UNC13C: variants seen among roughly 807,000 people sequenced by gnomAD.
UNC13C encodes the protein protein unc-13 homolog C.
UNC13C carries 174 observed loss-of-function variants against 245.4 expected under a neutral mutation model. The observed-to-expected ratio is 0.71, with a 90% confidence interval of 0.63 to 0.80. The LOEUF (loss-of-function observed/expected upper bound fraction) is 0.80. UNC13C is among the 30% of genes least tolerant of loss of function. The pLI is 0.00. For synonymous variants in UNC13C, 992 were observed against 895.1 expected, an observed-to-expected ratio of 1.11 and a Z score of -1.93; for missense variants, 2,829 against 2,602.9, an observed-to-expected ratio of 1.09 and a Z score of -1.89.
At chr15:54,275,026 A>G (rs1286146576) in intron 10 of UNC13C, among the ~76,000 whole-genome samples, 1 of 152,116 alleles carries the variant, frequency 6.6e-6, no homozygotes, top group Non-Finnish European at 1.5e-5. Context: ...GGTAAAATAA[A>G]CAAATGGGGG....
chr15:54,494,492 A>T, intron 19 of UNC13C, 116 bp from the exon 20 acceptor site: 2 of 998,422 alleles, frequency 2.0e-6, no homozygotes, highest in Non-Finnish European at 2.7e-6. Flanking sequence ...TTATACCTTT[A>T]CATCTAATAT....
At position 54,393,070 on chromosome 15, in the gene UNC13C, G is replaced by A. The variant is rs771183953; in HGVS notation, c.4736G>A (p.Arg1579His). The A allele has an allele frequency of 2.7e-5, 44 of 1,605,952 alleles. 1 individual carries two copies. The highest frequency in any genetic ancestry group is 3.3e-4 in the Middle Eastern group (2 of 6,020). Residue 1579 changes from arginine to histidine, a missense_variant, in exon 18 of 33, where the codon CGT becomes CAT. Physicochemically the swap from Arg to His is conservative, Grantham distance 29 (BLOSUM62 0). Coordinates refer to ENST00000260323, the MANE Select transcript of UNC13C (RefSeq NM_001080534.3). ...CAGAGTAAGAAACAGGATATTCCTC[G>A]TGAAGATCAGGGACCAACCACCAAG... ...TDPSKKQDIP[R>H]EDQGPTTKNL...
At chr15:54,004,838 A>G (rs1490719174) in intron 1 of UNC13C, among the ~76,000 whole-genome samples, 1 of 152,140 alleles carries the variant, frequency 6.6e-6, no homozygotes, top group Admixed American at 6.5e-5. Flanking sequence ...TGTTTTGCCC[A>G]TTTTTAAATT....
the UNC13C span, among the ~76,000 whole-genome samples, chr15:53,902,270 T>C: frequency 6.6e-6 from 1 of 152,142 alleles, no homozygotes; most frequent in Non-Finnish European, 1.5e-5. Context: ...TCCCTAACCC[T>C]AATCCCACCT....
chr15:53,915,193 C>T, the UNC13C span, among the ~76,000 whole-genome samples: 3 of 152,142 alleles, frequency 2.0e-5, no homozygotes, highest in Admixed American at 1.3e-4. Flanking sequence ...TACCTGGTTT[C>T]AGTAGAAGGT....
chr15:54,537,921 C>T (rs1482662569), intron 26 of UNC13C, among the ~76,000 whole-genome samples: 5 of 151,422 alleles, frequency 3.3e-5, no homozygotes, highest in Non-Finnish European at 7.4e-5. Context: ...TGGACATAGG[C>T]CCTGGCAGTT....
intron 30 of UNC13C, among the ~76,000 whole-genome samples, chr15:54,615,738 T>C (rs1300304766): frequency 3.3e-5 from 5 of 151,984 alleles, no homozygotes; most frequent in Non-Finnish European, 7.4e-5. Flanking sequence ...TGTTTCCAGG[T>C]GGAAACAAGT....
chr15:54,470,154 G>C (rs1892384469), intron 19 of UNC13C, among the ~76,000 whole-genome samples: 1 of 151,502 alleles, frequency 6.6e-6, no homozygotes, highest in Non-Finnish European at 1.5e-5. Flanking sequence ...GCTGAATATA[G>C]TTTGCTAATA....
chr15:53,863,408 C>A, the UNC13C span, among the ~76,000 whole-genome samples: 1 of 152,174 alleles, frequency 6.6e-6, no homozygotes. Context: ...TTCTAAAGAT[C>A]AACTTTGTGA....
At chr15:54,124,911 C>A (rs886738267) in intron 2 of UNC13C, among the ~76,000 whole-genome samples, 8 of 152,050 alleles carry the variant, frequency 5.3e-5, no homozygotes, top group Non-Finnish European at 1.2e-4. Flanking sequence ...CATTGAATTG[C>A]TTTTGAATCT....
chr15:54,587,133 T>G (rs772859640), intron 30 of UNC13C, among the ~76,000 whole-genome samples: 3 of 152,336 alleles, frequency 2.0e-5, no homozygotes, highest in South Asian at 2.1e-4. Context: ...TCAACTTAGA[T>G]TTCAATTTCA....
At chr15:54,615,020 G>T (rs1049856774) in intron 30 of UNC13C, among the ~76,000 whole-genome samples, 1 of 151,788 alleles carries the variant, frequency 6.6e-6, no homozygotes, top group Non-Finnish European at 1.5e-5. Context: ...GGTTTTATAT[G>T]TTCACTCATC....
chr15:54,371,930 C>T (rs2039495496), intron 17 of UNC13C, among the ~76,000 whole-genome samples: 1 of 151,930 alleles, frequency 6.6e-6, no homozygotes, highest in Non-Finnish European at 1.5e-5. Context: ...TGATGGTAGC[C>T]AGAGGCTGAG....
intron 2 of UNC13C, among the ~76,000 whole-genome samples, chr15:54,019,112 C>T (rs1018031185): frequency 2.0e-5 from 3 of 152,154 alleles, no homozygotes; most frequent in African/African-American, 7.2e-5. Flanking sequence ...TATAACACCA[C>T]TATTAATTTT....
intron 20 of UNC13C, among the ~76,000 whole-genome samples, chr15:54,497,685 TACAGTA>T (rs1894019384): frequency 1.3e-5 from 2 of 152,136 alleles, no homozygotes; most frequent in South Asian, 4.1e-4. Flanking sequence ...TGTGCCTACT[TACAGTA>T]ACAGTCTCTC....
At chr15:54,563,376 T>C (rs1272293086) in intron 29 of UNC13C, among the ~76,000 whole-genome samples, 1 of 152,050 alleles carries the variant, frequency 6.6e-6, no homozygotes, top group African/African-American at 2.4e-5. Flanking sequence ...AACTCCTCCA[T>C]AGTCCTTCAA....
intron 4 of UNC13C, among the ~76,000 whole-genome samples, chr15:54,167,456 C>G (rs1384733769): frequency 7.0e-6 from 1 of 142,320 alleles, no homozygotes; most frequent in African/African-American, 2.6e-5. Context: ...GAGCCGAGAT[C>G]GCGCCACTGC....
At position 54,264,234 on chromosome 15, in the gene UNC13C, A is replaced by G. The variant is rs764028201; in HGVS notation, c.3515A>G (p.Lys1172Arg). Residue 1172 changes from lysine to arginine, a missense_variant, in exon 9 of 33, where the codon AAA (lysine) becomes AGA (arginine). Transcript: ENST00000260323. ...DKTQTIITAM[K>R]ERMKIREKNR... ...ACTCAGACCATTATTACAGCAATGA[A>G]AGAAAGAATGAAGATCAGGGAGAAA... 6.3e-7 allele frequency: 1 copy of G among 1,597,052 alleles called. No homozygotes were observed. The highest frequency in any genetic ancestry group is 2.3e-5 in the East Asian group (1 of 44,444).
intron 10 of UNC13C, among the ~76,000 whole-genome samples, chr15:54,284,081 A>G (rs1056460393): frequency 6.6e-6 from 1 of 152,176 alleles, no homozygotes; most frequent in African/African-American, 2.4e-5. Flanking sequence ...ATTACAACCA[A>G]TGACTTTAGA....
Sources: gnomAD v4.1 joint callset for allele counts (sites outside exome capture counted in the v4.1 genomes callset) on GRCh38, gnomAD v4.1.1 for gene constraint, MANE v1.5 for transcripts, NCBI Gene and HGNC (gene_info 2026-07-23, HGNC 2026-07-21) for gene names.